The following TTC14 variants were observed in gnomAD, a reference collection of about 807,000 sequenced individuals.
TTC14 encodes the protein tetratricopeptide repeat domain 14, also known as tetratricopeptide repeat protein 14.
In TTC14, 63 loss-of-function variants were observed where a neutral mutation model predicts 79.9. The ratio of observed to expected loss-of-function variants is 0.79; its 90% CI spans 0.64 to 0.97. The LOEUF is 0.97. Among genes scored for constraint, TTC14 ranks in the 50% least tolerant of loss-of-function variants. TTC14 has a pLI of 0.00. For missense variants in TTC14, 895 were observed against 894.0 expected, an observed-to-expected ratio of 1.00 and a Z score of -0.01; for synonymous variants, 335 against 309.6, an observed-to-expected ratio of 1.08 and a Z score of -0.86.
intron 10 of TTC14, chr3:180,607,977 A>G (rs868657660): frequency 3.6e-5 from 46 of 1,290,666 alleles, no homozygotes; most frequent in Middle Eastern, 6.1e-4. Flanking sequence ...TGAGAAAACT[A>G]TTACCTAAAT....
chr3:180,610,077 A>T lies in TTC14; in HGVS notation c.1848A>T (p.Pro616=), dbSNP rs753613586. The change falls in exon 12 of 12, where the codon CCA becomes CCT. Residue 616 remains proline (P), a synonymous_variant. Coordinates refer to ENST00000296015, the MANE Select transcript of TTC14 (RefSeq NM_133462.4). ...CAGGTAGTAGCAAAACAGAAAAGCC[A>T]TATAAATCAGAAAGACATTTTTCCA... ...TQAGSSKTEK[P]YKSERHFSSR... 6.2e-7 allele frequency: 1 copy of T among 1,613,716 alleles called. No homozygotes were observed. Among genetic ancestry groups the T allele is most frequent in the Admixed American group, 1.7e-5 (1 of 59,940 alleles).
chr3:180,609,565 C>T (rs1041710232), intron 11 of TTC14, 65 bp from the exon 12 acceptor site: 2 of 1,423,636 alleles, frequency 1.4e-6, no homozygotes, highest in African/African-American at 2.9e-5. Flanking sequence ...AAATAGGGCC[C>T]ACATCTTTAT....
rs978981428 is a variant in TTC14, at chr3:180,610,339, C to T, written c.2110C>T (p.Arg704Cys). The change falls in exon 12 of 12, where the codon CGT becomes TGT. Residue 704 changes from arginine to cysteine, a missense_variant. Transcript: ENST00000296015. ...TTTCAGTAGACATGAGCAAAGATAC[C>T]GTTTAAATACAAATCAAGGAGAATA... ...RDFSRHEQRY[R>C]LNTNQGEYER... 5.6e-6 allele frequency: 9 copies of T among 1,612,438 alleles called. No homozygotes were observed. The highest frequency in any genetic ancestry group is 5.9e-6 in the Non-Finnish European group (7 of 1,179,590).
At chr3:180,614,976 G>A, downstream of TTC14, 1 of 1,565,500 alleles carries the variant, frequency 6.4e-7, no homozygotes, top group Non-Finnish European at 8.7e-7. Context: ...AGCACTAGAT[G>A]GCCTAGAAGG....
intron 3 of TTC14, 115 bp from the exon 4 acceptor site, chr3:180,604,110 T>G (rs1576918066): frequency 1.2e-6 from 1 of 844,504 alleles, no homozygotes; most frequent in African/African-American, 1.7e-5. Context: ...ATTTAAATTT[T>G]TACTTTAGGT....
In TTC14 at chr3:180,602,500, C is replaced by T. The variant is rs1716418688; in HGVS notation, c.161+78C>T. 6.1e-6 allele frequency: 9 copies of T among 1,478,992 alleles called. No individual in the cohort carries two copies. In the South Asian group the frequency reaches 1.2e-4, roughly 20 times the overall value. 91.6% of individuals were successfully genotyped at this position (1,478,992 alleles called of 1,614,324 possible). A position where few individuals can be genotyped will look rare whatever the true frequency, so the allele number is the denominator to read the frequency against. On this transcript the variant is annotated intron_variant, in intron 1 of 11. Coordinates refer to ENST00000296015, the MANE Select transcript of TTC14 (RefSeq NM_133462.4). ...AGCCACTACCGCAGCCCCGGGTTTG[C>T]GTCTAGAGGAAGTGGAGCCGCGGCC... is the stretch of plus-strand genomic sequence containing the variant.
rs929581006 is a variant in TTC14, at chr3:180,610,840, G to A, written c.*298G>A. 18 of 999,184 alleles carry A rather than the reference G, an allele frequency of 1.8e-5. No homozygotes were observed. Among genetic ancestry groups the A allele is most frequent in the African/African-American group, 3.5e-5 (2 of 57,634 alleles). The allele number at this position is 999,184 out of a possible 1,614,324, so 61.9% of individuals were successfully genotyped here. On this transcript the variant is annotated 3_prime_UTR_variant, in exon 12 of 12. Coordinates refer to ENST00000296015, the MANE Select transcript of TTC14 (RefSeq NM_133462.4). ...AAGTACTGTTTCTTCATTCTATTGC[G>A]GTATATGAGAATTCCTGGGTGCATC...
intron 12 of TTC14, chr3:180,616,734 T>C: frequency 6.4e-7 from 1 of 1,571,122 alleles, no homozygotes; most frequent in Non-Finnish European, 8.7e-7. Flanking sequence ...ATAAACGTGT[T>C]TACCAGAATT....
rs1716652275 is a variant in TTC14 at position 180,605,846 on chromosome 3, A to G, written c.929+9A>G. 6 of 1,575,440 alleles carry G rather than the reference A, an allele frequency of 3.8e-6. No individual in the cohort carries two copies. Among genetic ancestry groups the G allele is most frequent in the Non-Finnish European group, 5.1e-6 (6 of 1,169,714 alleles). Reference sequence around the variant, plus strand: ...TCTTGGGCTTTAAAATGGTATGAAGACTGTCTTTCAACAATTGCATTATAT... The same window carrying G: ...TCTTGGGCTTTAAAATGGTATGAAGGCTGTCTTTCAACAATTGCATTATAT... On this transcript the variant is annotated intron_variant, in intron 7 of 11. Transcript: ENST00000296015.
At position 180,616,693 on chromosome 3, in the gene TTC14, A is replaced by G. The variant is rs201601768; in HGVS notation, c.1775-687A>G. 308 of 1,586,802 alleles carry G rather than the reference A, an allele frequency of 1.9e-4. 2 individuals are homozygous for G. In the African/African-American group the frequency reaches 3.9e-3, roughly 20 times the overall value. On this transcript the variant is annotated intron_variant, in intron 12 of 12. Transcript: ENST00000382584. ...GACGGATTTCCTTTGTGAGTTTTGCACACTGTTGGTAAATAATAGTCAATT... is the reference window on the plus strand; with the variant it reads ...GACGGATTTCCTTTGTGAGTTTTGCGCACTGTTGGTAAATAATAGTCAATT...
intron 12 of TTC14, chr3:180,616,947 T>C (rs1717270350): frequency 2.1e-6 from 3 of 1,435,262 alleles, no homozygotes; most frequent in Non-Finnish European, 2.9e-6. Context: ...TTCTATAACA[T>C]CTAATGTATT....
Position 180,610,120 on chromosome 3 carries a change from G to C in TTC14, c.1891G>C (p.Asp631His). Residue 631 changes from aspartate to histidine, a missense_variant, in exon 12 of 12, where the codon GAT becomes CAT. By Grantham distance (81) the Asp-to-His change is moderately conservative (BLOSUM62 -1). Coordinates refer to ENST00000296015, the MANE Select transcript of TTC14 (RefSeq NM_133462.4). ...TTTTTCCAGTAGAAGAAATTCCTCA[G>C]ATTCCTTCTGTAGGAATTCAGAGGA... is the stretch of plus-strand genomic sequence containing the variant. The part of the protein sequence containing the change: ...RHFSSRRNSS[D>H]SFCRNSEDKI... The C allele has an allele frequency of 6.2e-7, 1 of 1,613,078 alleles. No homozygotes were observed. The highest frequency in any genetic ancestry group is 8.5e-7 in the Non-Finnish European group (1 of 1,179,704).
intron 10 of TTC14, 185 bp downstream of exon 10, chr3:180,607,950 G>A (rs1168825169): frequency 3.4e-5 from 46 of 1,344,628 alleles, no homozygotes; most frequent in Admixed American, 1.1e-4. Context: ...GTCCATAATC[G>A]AAAGTAAAGA....
Position 180,610,962 on chromosome 3 carries a change from T to A in TTC14, c.*420T>A. 1.0e-6 allele frequency: 1 copy of A among 959,590 alleles called. No homozygotes were observed. Among genetic ancestry groups the A allele is most frequent in the Non-Finnish European group, 1.2e-6 (1 of 806,420 alleles). The allele number at this position is 959,590 out of a possible 1,614,324, so 59.4% of individuals were successfully genotyped here. A position where few individuals can be genotyped will look rare whatever the true frequency, so the allele number is the denominator to read the frequency against. On this transcript the variant is annotated 3_prime_UTR_variant, in exon 12 of 12. Coordinates refer to ENST00000296015, the MANE Select transcript of TTC14 (RefSeq NM_133462.4). ...TTCTTTTCTGTTAAATTAAAAATCG[T>A]CAGCTTTTGAAAGATTATATGTTCG...
At chr3:180,605,724 A>G in intron 6 of TTC14, 42 bp from the exon 7 acceptor site, 1 of 1,463,646 alleles carries the variant, frequency 6.8e-7, no homozygotes, top group Non-Finnish European at 9.3e-7. Context: ...TACTTAAAAA[A>G]TATTTGTGGT....
downstream of TTC14, chr3:180,615,107 A>G (rs1576928654): frequency 1.3e-6 from 2 of 1,487,352 alleles, no homozygotes; most frequent in Non-Finnish European, 9.0e-7. Context: ...TATAAATTCA[A>G]TGCAAAGTTT....
At chr3:180,616,309 A>ATC in intron 12 of TTC14, 1 of 1,613,352 alleles carries the variant, frequency 6.2e-7, no homozygotes, top group South Asian at 1.1e-5. Flanking sequence ...TGTGAAGGAG[A>ATC]TCTAGAGCTC....
At chr3:180,606,188 C>T in intron 7 of TTC14, 65 bp from the exon 8 acceptor site, 10 of 1,586,948 alleles carry the variant, frequency 6.3e-6, no homozygotes, top group Non-Finnish European at 8.6e-6. Context: ...AAAACTTATT[C>T]ACACTAACAT....
intron 4 of TTC14, 79 bp from the exon 5 acceptor site, chr3:180,604,399 G>A: frequency 6.5e-7 from 1 of 1,539,466 alleles, no homozygotes; most frequent in Non-Finnish European, 8.8e-7. Context: ...AGAGGGTAGT[G>A]TTTGGGAAAG....
Sources: gnomAD v4.1 joint callset for allele counts on GRCh38, gnomAD v4.1.1 for gene constraint, MANE v1.5 for transcripts, NCBI Gene and HGNC (gene_info 2026-07-23, HGNC 2026-07-21) for gene names.